The following RARB variants were observed in gnomAD, a reference collection of about 807,000 sequenced individuals.
The protein encoded by RARB is HBV-activated protein.
Under a neutral mutation model 51.9 loss-of-function variants are expected in RARB, and 17 were observed. The ratio of observed to expected loss-of-function variants is 0.33; its 90% CI spans 0.22 to 0.49. The LOEUF (loss-of-function observed/expected upper bound fraction) is 0.49, where lower values mean the gene tolerates loss of function less well. Ranked by LOEUF, RARB falls within the 20% of genes least tolerant of loss-of-function variation. The pLI is 0.99. For missense variants in RARB, 369 were observed against 550.8 expected, an observed-to-expected ratio of 0.67 and a Z score of 3.30; for synonymous variants, 215 against 195.4, an observed-to-expected ratio of 1.10 and a Z score of -0.84.
At chr3:25,135,553 T>C (rs575102779) in intron 4 of RARB, among the ~76,000 whole-genome samples, 90 of 152,126 alleles carry the variant, frequency 5.9e-4, no homozygotes, top group African/African-American at 2.0e-3. Context: ...CAAAGTGTTG[T>C]TCTCAGCAGG....
intron 4 of RARB, among the ~76,000 whole-genome samples, chr3:25,571,841 C>T (rs1419013057): frequency 1.3e-5 from 2 of 152,214 alleles, no homozygotes; most frequent in African/African-American, 4.8e-5. Flanking sequence ...CCAAAAATAT[C>T]TACCCAGCAG....
intron 1 of RARB, among the ~76,000 whole-genome samples, chr3:24,856,166 G>A (rs1702631884): frequency 6.6e-6 from 1 of 152,094 alleles, no homozygotes; most frequent in African/African-American, 2.4e-5. Context: ...TATTTGAAAT[G>A]CCCTAGCAGT....
At chr3:24,981,460 T>G (rs910442778) in intron 2 of RARB, among the ~76,000 whole-genome samples, 1 of 151,986 alleles carries the variant, frequency 6.6e-6, no homozygotes, top group Non-Finnish European at 1.5e-5. Flanking sequence ...TTGTTTACAC[T>G]GTGAGCATAT....
chr3:25,352,112 T>C (rs766370868), intron 5 of RARB, among the ~76,000 whole-genome samples: 22 of 152,140 alleles, frequency 1.4e-4, no homozygotes, highest in Non-Finnish European at 2.5e-4. Flanking sequence ...AGTGGCCCAG[T>C]TGAACTTCTG....
intron 3 of RARB, among the ~76,000 whole-genome samples, chr3:25,121,066 T>A (rs1248936977): frequency 6.6e-6 from 1 of 152,146 alleles, no homozygotes; most frequent in Admixed American, 6.6e-5. Context: ...GTATGGATGC[T>A]TGAATTCACA....
intron 2 of RARB, among the ~76,000 whole-genome samples, chr3:24,866,055 G>A (rs548594278): frequency 3.3e-5 from 5 of 152,028 alleles, no homozygotes; most frequent in African/African-American, 4.8e-5. Flanking sequence ...AATGCCACAG[G>A]GATTCTGGAT....
chr3:25,096,813 A>G (rs1699301112), intron 3 of RARB, among the ~76,000 whole-genome samples: 1 of 152,114 alleles, frequency 6.6e-6, no homozygotes, highest in African/African-American at 2.4e-5. Flanking sequence ...CACAGACATG[A>G]CATTGTCAAA....
chr3:25,170,767 A>T (rs1199968721), intron 4 of RARB, among the ~76,000 whole-genome samples: 1 of 152,186 alleles, frequency 6.6e-6, no homozygotes, highest in Non-Finnish European at 1.5e-5. Flanking sequence ...AATTATATAC[A>T]TACAGAGAAA....
chr3:25,269,691 C>T (rs1410012175), intron 5 of RARB, among the ~76,000 whole-genome samples: 3 of 152,172 alleles, frequency 2.0e-5, no homozygotes, highest in Non-Finnish European at 4.4e-5. Flanking sequence ...AGTAAACTCA[C>T]TTAACAGCTA....
In RARB at chr3:24,964,534, T is replaced by C. The variant is rs535102355; in HGVS notation, c.-379-95591T>C. Reference sequence around the variant, plus strand: ...TTAACATTCAGAAAACTTTAGATCCTGAAAGCACACCCACGATTGAGAATG... The same window carrying C: ...TTAACATTCAGAAAACTTTAGATCCCGAAAGCACACCCACGATTGAGAATG... On this transcript the variant is annotated intron_variant, in intron 2 of 11. Coordinates refer to the RARB transcript ENST00000383772. Among the ~76,000 whole-genome samples the C allele has an allele frequency of 3.9e-5, 6 of 152,314 alleles. No individual in the cohort carries two copies. In the East Asian group the frequency reaches 1.2e-3, roughly 29 times the overall value.
At chr3:24,982,579 C>T (rs1696701696) in intron 2 of RARB, among the ~76,000 whole-genome samples, 2 of 152,146 alleles carry the variant, frequency 1.3e-5, no homozygotes, top group Admixed American at 1.3e-4. Context: ...TCCTTTATAC[C>T]TGAGTAATAC....
At chr3:25,305,600 G>A (rs1270571956) in intron 5 of RARB, among the ~76,000 whole-genome samples, 12 of 152,174 alleles carry the variant, frequency 7.9e-5, no homozygotes, top group Admixed American at 7.9e-4. Flanking sequence ...ACCTTTAGTA[G>A]AATCACCCCT....
intron 5 of RARB, among the ~76,000 whole-genome samples, chr3:25,404,058 G>A (rs1707339075): frequency 6.6e-6 from 1 of 151,828 alleles, no homozygotes; most frequent in African/African-American, 2.4e-5. Context: ...GCCTAATCTT[G>A]GACAGTGAAA....
intron 4 of RARB, among the ~76,000 whole-genome samples, chr3:25,136,058 G>T (rs1459944254): frequency 1.3e-5 from 2 of 151,900 alleles, no homozygotes; most frequent in Non-Finnish European, 2.9e-5. Flanking sequence ...ACCTTCTTGG[G>T]TCTAGCAGCA....
At chr3:24,853,100 G>GATCAA (rs1484910157) in intron 1 of RARB, among the ~76,000 whole-genome samples, 4 of 151,848 alleles carry the variant, frequency 2.6e-5, no homozygotes, top group African/African-American at 9.7e-5. Context: ...GGATCATGAG[G>GATCAA]TCGGGGGATT....
At chr3:25,156,431 A>G (rs1162795731) in intron 4 of RARB, among the ~76,000 whole-genome samples, 2 of 142,004 alleles carry the variant, frequency 1.4e-5, no homozygotes, top group East Asian at 2.2e-4. Context: ...GTGGCCATTC[A>G]TTGACATCAC....
chr3:25,042,588 T>C (rs1698134936), intron 2 of RARB, among the ~76,000 whole-genome samples: 1 of 152,212 alleles, frequency 6.6e-6, no homozygotes, highest in Non-Finnish European at 1.5e-5. Context: ...AGGCTTCTGA[T>C]GGGATGGGAC....
rs796377998 is a variant in RARB at position 25,414,423 on chromosome 3, TG to T, written c.179-46769del. Reference sequence around the variant, plus strand: ...AATAGAAATATGCCTTAATGTCTCCTGAGTAAACACCTAGGCATGGAATGGC... The same window carrying T: ...AATAGAAATATGCCTTAATGTCTCCTAGTAAACACCTAGGCATGGAATGGC... On this transcript the variant is annotated intron_variant, in intron 5 of 11. Coordinates refer to the RARB transcript ENST00000383772. 6.6e-5 allele frequency among the ~76,000 whole-genome samples: 10 copies of T among 152,350 alleles called. 1 individual carries two copies. Among genetic ancestry groups the T allele is most frequent in the African/African-American group, 2.4e-4 (10 of 41,578 alleles).
intron 3 of RARB, among the ~76,000 whole-genome samples, chr3:25,069,290 G>A (rs1168485763): frequency 6.6e-6 from 1 of 152,060 alleles, no homozygotes; most frequent in Non-Finnish European, 1.5e-5. Context: ...AAATCCCACT[G>A]ATTTATTCAC....
Sources: allele counts gnomAD v4.1 joint callset (sites outside exome capture counted in the v4.1 genomes callset), GRCh38; gene constraint gnomAD v4.1.1; transcripts MANE v1.5; gene names NCBI Gene and HGNC (gene_info 2026-07-23, HGNC 2026-07-21).